Variants in CDH18 observed in about 807,000 individuals in gnomAD.
The protein encoded by CDH18 is cadherin-18.
In CDH18, 31 loss-of-function variants were observed where a neutral mutation model predicts 67.9. The observed-to-expected ratio is 0.46, with a 90% CI of 0.34 to 0.62. CDH18 has a LOEUF of 0.62. Among genes scored for constraint, CDH18 ranks in the 20% least tolerant of loss-of-function variants. CDH18 has a pLI of 0.01. For missense variants in CDH18, 890 were observed against 975.5 expected, an observed-to-expected ratio of 0.91 and a Z score of 1.17; for synonymous variants, 362 against 347.2, an observed-to-expected ratio of 1.04 and a Z score of -0.48.
In CDH18 at chr5:19,838,806, AG is replaced by A; in HGVS notation, c.180del (p.Phe61LeufsTer3). 1 of 1,613,972 alleles carries A rather than the reference AG, an allele frequency of 6.2e-7. No homozygotes were observed. Among genetic ancestry groups the A allele is most frequent in the Non-Finnish European group, 8.5e-7 (1 of 1,179,896 alleles). On this transcript the variant is annotated frameshift_variant, in exon 3 of 13. Transcript: ENST00000382275. LOFTEE classifies it high-confidence loss of function. ...GGTCCCATATGTTCTTCTAAAACAA[AG>A]AACTGATTCCATACCCATCCCCTTT... ...RPKRGWVWNQ[F>X]FVLEEHMGPD...
intron 2 of CDH18, among the ~76,000 whole-genome samples, chr5:19,941,204 T>C (rs114954124): frequency 0.01 from 1,548 of 151,782 alleles, 10 homozygotes; most frequent in Non-Finnish European, 0.014. Flanking sequence ...GAGGAAAGAG[T>C]GAGAAGTCTA....
At chr5:20,335,326 G>T (rs185923187) in intron 1 of CDH18, among the ~76,000 whole-genome samples, 2 of 152,118 alleles carry the variant, frequency 1.3e-5, no homozygotes, top group East Asian at 3.9e-4. Context: ...ATTTCCTTCA[G>T]TTATTCACTT....
chr5:20,312,023 G>A (rs1209190996), intron 1 of CDH18, among the ~76,000 whole-genome samples: 1 of 152,096 alleles, frequency 6.6e-6, no homozygotes, highest in Admixed American at 6.5e-5. Flanking sequence ...CTTTTGCATG[G>A]TGGGTACAAT....
chr5:20,453,081 C>T (rs1436048624), intron 1 of CDH18, among the ~76,000 whole-genome samples: 1 of 152,092 alleles, frequency 6.6e-6, no homozygotes, highest in African/African-American at 2.4e-5. Context: ...CTTGTCTTGC[C>T]TTATGGCAAG....
At chr5:19,498,778 T>C (rs1412444289) in intron 11 of CDH18, among the ~76,000 whole-genome samples, 1 of 152,198 alleles carries the variant, frequency 6.6e-6, no homozygotes, top group African/African-American at 2.4e-5. Context: ...CTACTCTTCC[T>C]CATATCTTAG....
At chr5:20,478,471 C>T (rs78261546) in intron 1 of CDH18, among the ~76,000 whole-genome samples, 2,926 of 150,192 alleles carry the variant, frequency 0.019, 77 homozygotes, top group Non-Finnish European at 0.025. Context: ...CATGCAGTAA[C>T]TGCTGTGGGC....
intron 2 of CDH18, among the ~76,000 whole-genome samples, chr5:20,185,323 T>A (rs939031998): frequency 2.0e-5 from 3 of 152,048 alleles, no homozygotes; most frequent in Admixed American, 1.3e-4. Context: ...TCAATCTGTA[T>A]GCAGCCTTCC....
At chr5:19,486,009 T>C (rs1045355602) in intron 11 of CDH18, among the ~76,000 whole-genome samples, 1 of 152,118 alleles carries the variant, frequency 6.6e-6, no homozygotes, top group Non-Finnish European at 1.5e-5. Flanking sequence ...TCTAGTGCAT[T>C]TTAAGTCCTG....
intron 2 of CDH18, among the ~76,000 whole-genome samples, chr5:20,016,311 T>C (rs933141698): frequency 6.6e-6 from 1 of 151,854 alleles, no homozygotes; most frequent in Non-Finnish European, 1.5e-5. Flanking sequence ...AGACCTTACT[T>C]GAAGATGGAG....
intron 2 of CDH18, among the ~76,000 whole-genome samples, chr5:20,043,035 C>A (rs888866800): frequency 6.6e-6 from 1 of 151,996 alleles, no homozygotes; most frequent in African/African-American, 2.4e-5. Context: ...AATTTCTCAA[C>A]CTCAGCACTG....
chr5:20,465,070 T>G (rs11954066), intron 1 of CDH18, among the ~76,000 whole-genome samples: 76,180 of 151,822 alleles, frequency 0.5, 19,429 homozygotes, highest in Non-Finnish European at 0.53. Flanking sequence ...CACATGTAAA[T>G]GACACGAGAG....
intron 2 of CDH18, among the ~76,000 whole-genome samples, chr5:20,249,574 G>A (rs1252108340): frequency 1.3e-5 from 2 of 151,998 alleles, no homozygotes; most frequent in African/African-American, 4.8e-5. Flanking sequence ...AGTAGAGACA[G>A]GGTTTCACCG....
chr5:20,527,999 G>A (rs1277391835), intron 1 of CDH18, among the ~76,000 whole-genome samples: 1 of 152,068 alleles, frequency 6.6e-6, no homozygotes, highest in African/African-American at 2.4e-5. Context: ...TCATTGGTGT[G>A]CTGTATTCAA....
intron 1 of CDH18, among the ~76,000 whole-genome samples, chr5:20,419,648 T>A (rs1412592959): frequency 1.4e-5 from 2 of 145,968 alleles, no homozygotes; most frequent in Non-Finnish European, 2.9e-5. Flanking sequence ...CAGCTAATTT[T>A]TTGTATTTTT....
chr5:19,670,332 T>C (rs1031628365), intron 5 of CDH18, among the ~76,000 whole-genome samples: 4 of 152,082 alleles, frequency 2.6e-5, no homozygotes, highest in Non-Finnish European at 5.9e-5. Flanking sequence ...AAAATTCTGT[T>C]AGTGAAAAGA....
intron 12 of CDH18, among the ~76,000 whole-genome samples, chr5:19,477,645 TTATACA>T (rs1336890276): frequency 1.3e-5 from 2 of 151,972 alleles, no homozygotes; most frequent in Non-Finnish European, 2.9e-5. Context: ...CAGATAATAA[TTATACA>T]TATAAATAGA....
In CDH18 at chr5:20,335,055, G is replaced by C. The variant is rs150517965; in HGVS notation, c.-579-79550C>G. On this transcript the variant is annotated intron_variant, in intron 1 of 14. Transcript: ENST00000507958. ...TCTTTGGTTTCCTGATCTTGTGCTA[G>C]GCAGAATGAACCTCATTCAAACCTC... Among the ~76,000 whole-genome samples the C allele has an allele frequency of 4.5e-3, 686 of 152,160 alleles. 9 individuals carry two copies. Among genetic ancestry groups the C allele is most frequent in the African/African-American group, 0.016 (658 of 41,502 alleles).
chr5:20,118,482 C>T (rs546269540), intron 2 of CDH18, among the ~76,000 whole-genome samples: 63 of 151,988 alleles, frequency 4.1e-4, no homozygotes, highest in African/African-American at 1.3e-3. Flanking sequence ...TATAATATTA[C>T]GATTTTAATT....
intron 2 of CDH18, among the ~76,000 whole-genome samples, chr5:20,023,096 A>G (rs761936464): frequency 1.1e-4 from 16 of 152,018 alleles, no homozygotes; most frequent in Non-Finnish European, 1.9e-4. Flanking sequence ...TTTCTCCCCA[A>G]ATATCTGATC....
Sources: gnomAD v4.1 joint callset for allele counts (sites outside exome capture counted in the v4.1 genomes callset) on GRCh38, gnomAD v4.1.1 for gene constraint, MANE v1.5 for transcripts, NCBI Gene and HGNC (gene_info 2026-07-23, HGNC 2026-07-21) for gene names.